ANK3: variants seen among roughly 807,000 people sequenced by gnomAD.
The protein encoded by ANK3 is ankyrin 3.
In ANK3, 57 loss-of-function variants were observed where a neutral mutation model predicts 370.9. The ratio of observed to expected loss-of-function variants is 0.15; its 90% CI spans 0.12 to 0.19. ANK3 has a LOEUF of 0.19. Among genes scored for constraint, ANK3 ranks in the 10% least tolerant of loss-of-function variants. The pLI is 1.00. For synonymous variants in ANK3, 1,929 were observed against 1,946.3 expected (o/e 0.99, Z 0.23); for missense variants, 4,439 against 5,302.1 (o/e 0.84, Z 5.06).
At chr10:60,530,679 T>C (rs1026474108) in intron 2 of ANK3, among the ~76,000 whole-genome samples, 1 of 152,254 alleles carries the variant, frequency 6.6e-6, no homozygotes, top group Non-Finnish European at 1.5e-5. Context: ...TGGGCACCCC[T>C]AACCTGAAGA....
At chr10:60,196,320 T>C (rs958872802) in intron 15 of ANK3, 77 bp from the exon 16 acceptor site, 6 of 1,303,408 alleles carry the variant, frequency 4.6e-6, no homozygotes, top group Admixed American at 1.9e-5. Flanking sequence ...GAAATGAAAT[T>C]AGATTGGATA....
rs372532813 is a variant in ANK3 at position 60,132,818 on chromosome 10, C to T, written c.2841+1453G>A. On this transcript the variant is annotated intron_variant, in intron 25 of 43. Coordinates refer to ENST00000280772, the MANE Select transcript of ANK3 (RefSeq NM_020987.5). ...TTTTAGTAGAGACGGGGTTTCACCA[C>T]GTTGGCAGGCTGGTCATGAACTCCT... 1.7e-3 allele frequency among the ~76,000 whole-genome samples: 127 copies of T among 75,964 alleles called. 1 individual carries two copies. The highest frequency in any genetic ancestry group is 6.6e-3 in the African/African-American group (116 of 17,630). The allele number at this position is 75,964 out of a possible 152,430, so 49.8% of individuals were successfully genotyped here. A position where few individuals can be genotyped will look rare whatever the true frequency, so the allele number is the denominator to read the frequency against.
chr10:60,086,991 C>CAA (rs34256603), intron 29 of ANK3, 107 bp from the exon 30 acceptor site: 5,869 of 144,336 alleles, frequency 0.041, 229 homozygotes, highest in African/African-American at 0.11. Flanking sequence ...AACAGACAAC[C>CAA]AAAAAAAAAA....
intron 1 of ANK3, among the ~76,000 whole-genome samples, chr10:60,711,848 C>A (rs1272701169): frequency 6.6e-6 from 1 of 152,054 alleles, no homozygotes; most frequent in South Asian, 2.1e-4. Context: ...AACACCTTAC[C>A]TAAAAAGGAA....
chr10:60,624,351 C>T (rs925265175), intron 1 of ANK3, among the ~76,000 whole-genome samples: 5 of 152,112 alleles, frequency 3.3e-5, no homozygotes, highest in African/African-American at 1.2e-4. Flanking sequence ...CTTGGGTGTG[C>T]TTCCCTGGTT....
chr10:60,298,993 GTTGA>G (rs1186097716), intron 1 of ANK3, among the ~76,000 whole-genome samples: 1 of 152,170 alleles, frequency 6.6e-6, no homozygotes, highest in African/African-American at 2.4e-5. Flanking sequence ...GGATGGGTAA[GTTGA>G]TTATTTTTAG....
intron 1 of ANK3, among the ~76,000 whole-genome samples, chr10:60,690,249 C>A (rs976139859): frequency 1.3e-5 from 2 of 152,112 alleles, no homozygotes; most frequent in African/African-American, 4.8e-5. Context: ...GTGGGTGCAG[C>A]CCAAGGAGGG....
chr10:60,699,765 T>C (rs1240245807), intron 1 of ANK3, among the ~76,000 whole-genome samples: 1 of 152,152 alleles, frequency 6.6e-6, no homozygotes, highest in East Asian at 1.9e-4. Flanking sequence ...TGTTTAATGA[T>C]GACCAGAGGT....
chr10:60,160,587 GAC>G (rs546939630), intron 23 of ANK3, among the ~76,000 whole-genome samples: 1 of 151,770 alleles, frequency 6.6e-6, no homozygotes, highest in African/African-American at 2.4e-5. Context: ...ACCAGACAAA[GAC>G]ACACACACAC....
At chr10:60,037,450 C>G (rs1414410688) in intron 43 of ANK3, among the ~76,000 whole-genome samples, 1 of 152,198 alleles carries the variant, frequency 6.6e-6, no homozygotes. Context: ...CCTCTCCCCT[C>G]TCACCCTCAA....
chr10:60,430,247 G>T (rs2063985940), intron 2 of ANK3, among the ~76,000 whole-genome samples: 1 of 152,230 alleles, frequency 6.6e-6, no homozygotes, highest in South Asian at 2.1e-4. Context: ...CAAAGAGGGA[G>T]AACTGGAATG....
chr10:60,378,883 G>GA lies in ANK3; in HGVS notation c.114+10541dup, dbSNP rs1034577609. Among the ~76,000 whole-genome samples the GA allele has an allele frequency of 2.3e-3, 339 of 146,984 alleles. 2 individuals carry two copies. Among genetic ancestry groups the GA allele is most frequent in the African/African-American group, 6.1e-3 (243 of 40,000 alleles). On this transcript the variant is annotated intron_variant, in intron 1 of 43. Coordinates refer to ENST00000280772, the MANE Select transcript of ANK3 (RefSeq NM_020987.5). ...TATCAAACTAAAAAGCCTCTGCACAGAAAAAAAAAATAAAAAACAATCAAC... is the reference window on the plus strand; with the variant it reads ...TATCAAACTAAAAAGCCTCTGCACAGAAAAAAAAAAATAAAAAACAATCAAC...
intron 7 of ANK3, among the ~76,000 whole-genome samples, chr10:60,255,016 G>T (rs1289904182): frequency 6.6e-6 from 1 of 152,168 alleles, no homozygotes; most frequent in Non-Finnish European, 1.5e-5. Context: ...TTCAAAATCT[G>T]CATGTGAGAT....
chr10:60,519,900 G>A (rs765348473), intron 2 of ANK3, among the ~76,000 whole-genome samples: 1 of 152,014 alleles, frequency 6.6e-6, no homozygotes, highest in Non-Finnish European at 1.5e-5. Flanking sequence ...TGGGTTAGAG[G>A]GTTGATCAGT....
intron 40 of ANK3, 90 bp downstream of exon 40, chr10:60,063,021 G>A: frequency 7.7e-7 from 1 of 1,307,046 alleles, no homozygotes; most frequent in Non-Finnish European, 1.0e-6. Context: ...GCAAATCACA[G>A]TTTAGTTGCT....
At chr10:60,236,279 C>T (rs1042593589) in intron 7 of ANK3, among the ~76,000 whole-genome samples, 6 of 151,918 alleles carry the variant, frequency 3.9e-5, no homozygotes, top group African/African-American at 1.5e-4. Flanking sequence ...ATCACGATAC[C>T]ATTATCATAA....
intron 2 of ANK3, among the ~76,000 whole-genome samples, chr10:60,425,741 G>C (rs1218193098): frequency 6.6e-6 from 1 of 152,128 alleles, no homozygotes; most frequent in Non-Finnish European, 1.5e-5. Context: ...GGGAACGGCT[G>C]AGGTAAGTCA....
intron 2 of ANK3, among the ~76,000 whole-genome samples, chr10:60,395,648 C>CTT (rs2063222193): frequency 2.0e-5 from 2 of 102,168 alleles, no homozygotes; most frequent in African/African-American, 3.5e-5. Context: ...CTCTCTCTCT[C>CTT]TCTTTCTTTC....
At chr10:60,327,399 T>G (rs1400850333) in intron 1 of ANK3, among the ~76,000 whole-genome samples, 1 of 152,232 alleles carries the variant, frequency 6.6e-6, no homozygotes, top group African/African-American at 2.4e-5. Context: ...CAATACATAT[T>G]AATATGTAAA....
Sources: allele counts gnomAD v4.1 joint callset (sites outside exome capture counted in the v4.1 genomes callset), GRCh38; gene constraint gnomAD v4.1.1; transcripts MANE v1.5; gene names NCBI Gene and HGNC (gene_info 2026-07-23, HGNC 2026-07-21).